Variants in PXYLP1 observed in about 807,000 individuals in gnomAD.
PXYLP1 encodes the protein 2-phosphoxylose phosphatase 1.
PXYLP1 carries 17 observed loss-of-function variants against 37.9 expected under a neutral mutation model. The ratio of observed to expected loss-of-function variants is 0.45; its 90% CI spans 0.31 to 0.67. The LOEUF is 0.67. Ranked by LOEUF, PXYLP1 falls within the 30% of genes least tolerant of loss-of-function variation. The pLI, the probability that PXYLP1 is intolerant of heterozygous loss-of-function variation, is 0.07. For synonymous variants in PXYLP1, 221 were observed against 232.2 expected (o/e 0.95, Z 0.44); for missense variants, 511 against 612.0 (o/e 0.84, Z 1.74).
chr3:141,252,587 T>C (rs1941166102), intron 1 of PXYLP1, among the ~76,000 whole-genome samples: 1 of 152,188 alleles, frequency 6.6e-6, no homozygotes, highest in African/African-American at 2.4e-5. Flanking sequence ...AAACCATTCA[T>C]GCGGGAACCA....
At chr3:141,260,553 C>G (rs1429245928) in intron 2 of PXYLP1, among the ~76,000 whole-genome samples, 3 of 152,232 alleles carry the variant, frequency 2.0e-5, no homozygotes, top group Non-Finnish European at 4.4e-5. Context: ...CTGAACCACA[C>G]AGAGCAGAGG....
intron 1 of PXYLP1, among the ~76,000 whole-genome samples, chr3:141,257,463 AAGCC>A (rs1443255967): frequency 2.6e-5 from 4 of 152,238 alleles, no homozygotes; most frequent in African/African-American, 9.6e-5. Context: ...AAGACCGGGT[AAGCC>A]CATGGATACA....
intron 1 of PXYLP1, among the ~76,000 whole-genome samples, chr3:141,236,996 C>T (rs563728556): frequency 6.6e-5 from 10 of 152,200 alleles, no homozygotes; most frequent in Admixed American, 1.3e-4. Context: ...CAGTACCTTA[C>T]TATATAAAAA....
At chr3:141,277,635 G>A (rs1941829033) in intron 2 of PXYLP1, among the ~76,000 whole-genome samples, 1 of 152,156 alleles carries the variant, frequency 6.6e-6, no homozygotes, top group African/African-American at 2.4e-5. Flanking sequence ...ACCCCTGCCA[G>A]GGGGTGGGGA....
intron 1 of PXYLP1, among the ~76,000 whole-genome samples, chr3:141,256,212 G>A (rs559764590): frequency 2.0e-5 from 3 of 152,280 alleles, no homozygotes; most frequent in Admixed American, 1.3e-4. Flanking sequence ...CTGCTCGACC[G>A]CAGGGCTCTG....
At chr3:141,278,787 G>T (rs1941869627) in intron 3 of PXYLP1, among the ~76,000 whole-genome samples, 1 of 152,222 alleles carries the variant, frequency 6.6e-6, no homozygotes, top group African/African-American at 2.4e-5. Flanking sequence ...TCTTTAGTGA[G>T]ACAGCAGCAA....
At chr3:141,254,735 G>A (rs1173083776) in intron 1 of PXYLP1, among the ~76,000 whole-genome samples, 1 of 151,368 alleles carries the variant, frequency 6.6e-6, no homozygotes, top group African/African-American at 2.4e-5. Flanking sequence ...TTGTAATGCT[G>A]TATTTACTTA....
chr3:141,276,212 C>T (rs1941790792), intron 2 of PXYLP1, among the ~76,000 whole-genome samples: 1 of 152,182 alleles, frequency 6.6e-6, no homozygotes, highest in African/African-American at 2.4e-5. Flanking sequence ...TCAGTGCCTC[C>T]CCATTGTTAC....
intron 2 of PXYLP1, among the ~76,000 whole-genome samples, chr3:141,267,001 G>A (rs1361396571): frequency 3.3e-5 from 5 of 152,194 alleles, no homozygotes; most frequent in African/African-American, 1.2e-4. Context: ...CCTCAGTCCT[G>A]CTCACTCTTG....
chr3:141,266,751 T>C (rs529836382), intron 2 of PXYLP1, among the ~76,000 whole-genome samples: 2 of 150,088 alleles, frequency 1.3e-5, no homozygotes, highest in Admixed American at 6.6e-5. Flanking sequence ...GTGTTTTCGA[T>C]AGTTTCCCTG....
In PXYLP1 at chr3:141,294,705, A is replaced by C. The variant is rs1299651586; in HGVS notation, c.*1500A>C. On this transcript the variant is annotated 3_prime_UTR_variant, in exon 6 of 6. Coordinates refer to ENST00000286353, the MANE Select transcript of PXYLP1 (RefSeq NM_001037172.3). ...ATTTTCAAGTGAGAGCCAGTATTTT[A>C]TTTTTCCCCCTTCATTCAAATGTCA... 1.3e-5 allele frequency: 2 copies of C among 152,146 alleles called. No homozygotes were observed. Among genetic ancestry groups the C allele is most frequent in the South Asian group, 2.1e-4 (1 of 4,836 alleles). 9.4% of individuals were successfully genotyped at this position (152,146 alleles called of 1,614,324 possible).
chr3:141,293,323 T>C lies in PXYLP1; in HGVS notation c.*118T>C. ...TTATTGCTTTTTAAAGGCTAAATATTGTTTGTGGGAACCACAGATGGTTGG... is the reference window on the plus strand; with the variant it reads ...TTATTGCTTTTTAAAGGCTAAATATCGTTTGTGGGAACCACAGATGGTTGG... On this transcript the variant is annotated 3_prime_UTR_variant, in exon 6 of 6. Coordinates refer to ENST00000286353, the MANE Select transcript of PXYLP1 (RefSeq NM_001037172.3). 9.3e-7 allele frequency: 1 copy of C among 1,078,440 alleles called. No homozygotes were observed. Among genetic ancestry groups the C allele is most frequent in the Non-Finnish European group, 1.3e-6 (1 of 770,946 alleles). The allele number at this position is 1,078,440 out of a possible 1,614,324, so 66.8% of individuals were successfully genotyped here.
chr3:141,260,621 C>T lies in PXYLP1; in HGVS notation c.79+367C>T, dbSNP rs570401695. Among the ~76,000 whole-genome samples the T allele has an allele frequency of 3.9e-5, 6 of 152,292 alleles. No individual in the cohort carries two copies. In the East Asian group the frequency reaches 1.2e-3, roughly 29 times the overall value. On this transcript the variant is annotated intron_variant, in intron 2 of 5. Coordinates refer to ENST00000286353, the MANE Select transcript of PXYLP1 (RefSeq NM_001037172.3). ...GGGTGTCTGTTTAGCCTTCAGTCAG[C>T]CGCGGGGCTGGAGTTGTTTCGGGGA...
Position 141,293,033 on chromosome 3 carries a change from A to G in PXYLP1, c.1271A>G (p.Asn424Ser). The G allele has an allele frequency of 2.5e-6, 4 of 1,614,210 alleles. No homozygotes were observed. The highest frequency in any genetic ancestry group is 3.4e-6 in the Non-Finnish European group (4 of 1,180,044). Reference protein sequence around the residue: ...PSEHSVRILYNGVDVTFHTSF... With the variant: ...PSEHSVRILYSGVDVTFHTSF... ...GAACATTCCGTCCGGATTCTTTACA[A>G]TGGCGTCGATGTCACATTCCACACC... Residue 424 changes from asparagine (N) to serine (S), a missense_variant, in exon 6 of 6, where the codon AAT becomes AGT. Coordinates refer to ENST00000286353, the MANE Select transcript of PXYLP1 (RefSeq NM_001037172.3).
intron 1 of PXYLP1, chr3:141,258,884 A>G (rs1246346839): frequency 6.6e-6 from 1 of 152,242 alleles, no homozygotes; most frequent in Non-Finnish European, 1.5e-5. Flanking sequence ...TGCTGGACAC[A>G]CAGGCGCAAT....
chr3:141,272,574 G>GTA (rs562855605), intron 2 of PXYLP1: 18 of 143,672 alleles, frequency 1.3e-4, no homozygotes, highest in Non-Finnish European at 2.1e-4. Context: ...GAATATATAC[G>GTA]TATATATATA....
chr3:141,285,148 T>TC lies in PXYLP1; in HGVS notation c.366-2166_366-2165insC, dbSNP rs1553754982. 3.1e-3 allele frequency among the ~76,000 whole-genome samples: 424 copies of TC among 135,020 alleles called. 4 individuals are homozygous for TC. The highest frequency in any genetic ancestry group is 0.011 in the African/African-American group (397 of 35,962). 88.6% of individuals were successfully genotyped at this position (135,020 alleles called of 152,430 possible). The stretch of plus-strand genomic sequence containing the variant: ...GTTTTTTTTCTTTTTCTTTTTCTTT[T>TC]TTTTTTTTTTTTTTTTGAGACAGGG... On this transcript the variant is annotated intron_variant, in intron 4 of 5. Coordinates refer to ENST00000286353, the MANE Select transcript of PXYLP1 (RefSeq NM_001037172.3).
intron 1 of PXYLP1, among the ~76,000 whole-genome samples, chr3:141,239,099 A>G (rs180798200): frequency 6.6e-6 from 1 of 152,188 alleles, no homozygotes; most frequent in Admixed American, 6.5e-5. Flanking sequence ...CCACACTTGT[A>G]AAACAAAGAA....
Position 141,292,018 on chromosome 3 carries a change from G to A in PXYLP1, c.506-250G>A, listed in dbSNP as rs907525887. Among the ~76,000 whole-genome samples the A allele has an allele frequency of 6.6e-6, 1 of 152,214 alleles. No homozygotes were observed. The highest frequency in any genetic ancestry group is 1.5e-5 in the Non-Finnish European group (1 of 68,040). ...GGCCAGTCTGGAGGCCAAGTGCAAG[G>A]CAGATGGTCCAAAGGCCGTGGTTCT... On this transcript the variant is annotated intron_variant, in intron 5 of 5. Transcript: ENST00000286353. The surrounding 1 kb of genome is among the most constrained non-coding windows in gnomAD (Gnocchi z 4.3).
Sources: allele counts gnomAD v4.1 joint callset (sites outside exome capture counted in the v4.1 genomes callset), GRCh38; gene constraint gnomAD v4.1.1; non-coding constraint Gnocchi (gnomAD v3.1); transcripts MANE v1.5; gene names NCBI Gene and HGNC (gene_info 2026-07-23, HGNC 2026-07-21).